SEMA3A: variants seen among roughly 807,000 people sequenced by gnomAD.
The protein encoded by SEMA3A is semaphorin 3A.
SEMA3A carries 29 observed loss-of-function variants against 97.9 expected under a neutral mutation model. The observed-to-expected ratio is 0.30, with a 90% CI of 0.22 to 0.40. The LOEUF (loss-of-function observed/expected upper bound fraction) is 0.40. Ranked by LOEUF, SEMA3A falls within the 10% of genes least tolerant of loss-of-function variation. The probability of loss-of-function intolerance (pLI) is 1.00; values close to 1 mark genes in which losing one functional copy is unlikely to be tolerated. For missense variants in SEMA3A, 763 were observed against 951.3 expected, an observed-to-expected ratio of 0.80 and a Z score of 2.60; for synonymous variants, 321 against 323.7, an observed-to-expected ratio of 0.99 and a Z score of 0.09.
chr7:84,449,245 C>T (rs906603416), intron 1 of SEMA3A, among the ~76,000 whole-genome samples: 1 of 151,924 alleles, frequency 6.6e-6, no homozygotes, highest in Non-Finnish European at 1.5e-5. Context: ...ATAGCTAAAG[C>T]AGGACTTTGA....
chr7:84,102,552 T>A (rs1347972039), intron 4 of SEMA3A, among the ~76,000 whole-genome samples: 1 of 148,114 alleles, frequency 6.8e-6, no homozygotes, highest in Non-Finnish European at 1.5e-5. Context: ...GAGAGTATCC[T>A]CTGGTGTGAA....
At chr7:83,992,291 T>A (rs1393679378) in intron 12 of SEMA3A, among the ~76,000 whole-genome samples, 1 of 148,318 alleles carries the variant, frequency 6.7e-6, no homozygotes, top group African/African-American at 2.5e-5. Flanking sequence ...ATTCATTTTT[T>A]GAAGGGTTTT....
At chr7:84,326,034 A>G (rs1219209281) in intron 2 of SEMA3A, among the ~76,000 whole-genome samples, 1 of 152,052 alleles carries the variant, frequency 6.6e-6, no homozygotes, top group African/African-American at 2.4e-5. Context: ...TATTTCACTT[A>G]TCATAATGTC....
chr7:84,443,379 T>C lies in SEMA3A; in HGVS notation c.-246+49081A>G, dbSNP rs577669859. On this transcript the variant is annotated intron_variant, in intron 1 of 3. Transcript: ENST00000424555. ...ATCAAGGTCAAGACACTTTTTAATG[T>C]AAATATTAGCCATTTTGTCCATTCC... Among the ~76,000 whole-genome samples, 5 of 152,292 alleles carry C rather than the reference T, an allele frequency of 3.3e-5. No homozygotes were observed. The South Asian group carries it at 1.0e-3, about 32-fold the overall frequency.
At chr7:84,179,087 A>C (rs1797658355) in intron 1 of SEMA3A, among the ~76,000 whole-genome samples, 1 of 152,190 alleles carries the variant, frequency 6.6e-6, no homozygotes, top group South Asian at 2.1e-4. Flanking sequence ...TATATATCAC[A>C]CATTTTCCCC....
intron 1 of SEMA3A, among the ~76,000 whole-genome samples, chr7:84,409,034 T>G (rs1445476705): frequency 6.7e-6 from 1 of 149,660 alleles, no homozygotes; most frequent in Non-Finnish European, 1.5e-5. Context: ...CCCTAAAACT[T>G]AAAGTATAAT....
chr7:84,237,547 T>C (rs1799263946), intron 3 of SEMA3A, among the ~76,000 whole-genome samples: 1 of 152,114 alleles, frequency 6.6e-6, no homozygotes, highest in African/African-American at 2.4e-5. Context: ...CACCCATTTT[T>C]CTAAGTGGTT....
rs377729118 is a variant in SEMA3A, at chr7:84,456,063, G to C, written c.-246+36397C>G. Among the ~76,000 whole-genome samples, 4 of 151,936 alleles carry C rather than the reference G, an allele frequency of 2.6e-5. No homozygotes were observed. In the East Asian group the frequency reaches 5.8e-4, roughly 22 times the overall value. On this transcript the variant is annotated intron_variant, in intron 1 of 3. Coordinates refer to the SEMA3A transcript ENST00000424555. ...CCTTGGCAATTCAGGCCTTAAAGTA[G>C]ATTTAACACTTGCAAATGAGATGAC...
At chr7:84,091,284 GAA>G (rs1205705476) in intron 4 of SEMA3A, among the ~76,000 whole-genome samples, 1 of 115,272 alleles carries the variant, frequency 8.7e-6, no homozygotes, top group African/African-American at 3.1e-5. Flanking sequence ...AGAAAAGAAA[GAA>G]AGAAAGAAAA....
At chr7:84,247,905 G>T (rs1247228483) in intron 3 of SEMA3A, among the ~76,000 whole-genome samples, 1 of 152,112 alleles carries the variant, frequency 6.6e-6, no homozygotes, top group Non-Finnish European at 1.5e-5. Context: ...TTTCTTCAAG[G>T]TCCTTTAAGC....
chr7:84,129,301 C>T (rs777979734), intron 2 of SEMA3A, 116 bp from the exon 3 acceptor site: 5 of 832,576 alleles, frequency 6.0e-6, no homozygotes, highest in Non-Finnish European at 9.8e-6. Flanking sequence ...TCCATAAAGA[C>T]TGTTTCAGGA....
At chr7:84,306,704 T>C (rs1215373528) in intron 3 of SEMA3A, 1 of 152,164 alleles carries the variant, frequency 6.6e-6, no homozygotes, top group Non-Finnish European at 1.5e-5. Context: ...TATTTCAATC[T>C]CACATGTGAG....
At chr7:84,169,221 T>C (rs1279530918) in intron 1 of SEMA3A, among the ~76,000 whole-genome samples, 1 of 151,488 alleles carries the variant, frequency 6.6e-6, no homozygotes, top group East Asian at 1.9e-4. Flanking sequence ...TTATTATTTA[T>C]GAAAATAATG....
intron 12 of SEMA3A, among the ~76,000 whole-genome samples, chr7:83,988,442 G>A (rs527267343): frequency 6.6e-6 from 1 of 152,024 alleles, no homozygotes; most frequent in South Asian, 2.1e-4. Flanking sequence ...TGTTAGCCAG[G>A]ATGGTCTCGA....
intron 3 of SEMA3A, among the ~76,000 whole-genome samples, chr7:84,248,068 G>A (rs971509309): frequency 6.6e-6 from 1 of 152,024 alleles, no homozygotes; most frequent in Non-Finnish European, 1.5e-5. Context: ...ATAAATAAAT[G>A]CATACATAAA....
chr7:84,072,478 G>A (rs1317316489), intron 4 of SEMA3A, among the ~76,000 whole-genome samples: 1 of 152,086 alleles, frequency 6.6e-6, no homozygotes, highest in East Asian at 1.9e-4. Context: ...GGAAACTGGA[G>A]AAGCTGCTTG....
At chr7:84,275,976 C>A (rs575498901) in intron 3 of SEMA3A, among the ~76,000 whole-genome samples, 1 of 152,006 alleles carries the variant, frequency 6.6e-6, no homozygotes, top group African/African-American at 2.4e-5. Context: ...TCGGACGTTG[C>A]TGCTTAAAAT....
intron 1 of SEMA3A, among the ~76,000 whole-genome samples, chr7:84,143,258 C>A (rs2116080616): frequency 6.6e-6 from 1 of 151,974 alleles, no homozygotes; most frequent in African/African-American, 2.4e-5. Context: ...CTATCCCCTT[C>A]CTTTGATTTT....
At chr7:84,295,619 T>C (rs963938622) in intron 3 of SEMA3A, among the ~76,000 whole-genome samples, 3 of 152,038 alleles carry the variant, frequency 2.0e-5, no homozygotes, top group African/African-American at 4.8e-5. Context: ...GAACAACCTA[T>C]AAAATCTATT....
Sources: allele counts gnomAD v4.1 joint callset (sites outside exome capture counted in the v4.1 genomes callset), GRCh38; gene constraint gnomAD v4.1.1; transcripts MANE v1.5; gene names NCBI Gene and HGNC (gene_info 2026-07-23, HGNC 2026-07-21).